Variants in DSCAM observed in about 807,000 individuals in gnomAD.
DSCAM encodes cell adhesion molecule DSCAM.
DSCAM carries 47 observed loss-of-function variants against 217.7 expected under a neutral mutation model. The ratio of observed to expected loss-of-function variants is 0.22; its 90% confidence interval spans 0.17 to 0.28. The LOEUF (loss-of-function observed/expected upper bound fraction) is 0.28. Ranked by LOEUF, DSCAM falls within the 10% of genes least tolerant of loss-of-function variation. The pLI, the probability that DSCAM is intolerant of heterozygous loss-of-function variation, is 1.00. For missense variants in DSCAM, 2,080 were observed against 2,618.3 expected (o/e 0.79, Z 4.49); for synonymous variants, 1,056 against 1,015.3 (o/e 1.04, Z -0.76).
intron 1 of DSCAM, among the ~76,000 whole-genome samples, chr21:40,737,533 C>T (rs903498184): frequency 1.3e-5 from 2 of 152,100 alleles, no homozygotes; most frequent in Non-Finnish European, 2.9e-5. Context: ...CCCAGCTACT[C>T]GGGAGGCTGA....
At chr21:40,367,036 G>A (rs918443073) in intron 4 of DSCAM, among the ~76,000 whole-genome samples, 3 of 152,116 alleles carry the variant, frequency 2.0e-5, no homozygotes, top group Non-Finnish European at 2.9e-5. Flanking sequence ...GTGAGTCTCT[G>A]TTCTTCTGAA....
At chr21:40,810,219 C>T (rs144846117) in intron 1 of DSCAM, among the ~76,000 whole-genome samples, 3 of 152,292 alleles carry the variant, frequency 2.0e-5, no homozygotes, top group East Asian at 3.9e-4. Context: ...TCCAAATCTG[C>T]GATTCACCCT....
chr21:40,461,274 T>C (rs1001001370), intron 3 of DSCAM, among the ~76,000 whole-genome samples: 3 of 152,310 alleles, frequency 2.0e-5, no homozygotes, highest in Non-Finnish European at 4.4e-5. Context: ...AATGAGGAAC[T>C]GTGTGACTAT....
chr21:40,373,521 T>C (rs2074920310), intron 3 of DSCAM, among the ~76,000 whole-genome samples: 1 of 152,212 alleles, frequency 6.6e-6, no homozygotes. Flanking sequence ...GGCATTGTCC[T>C]TGTCTCCCTG....
chr21:40,557,068 G>A (rs2076678300), intron 3 of DSCAM, among the ~76,000 whole-genome samples: 1 of 151,954 alleles, frequency 6.6e-6, no homozygotes, highest in Non-Finnish European at 1.5e-5. Context: ...CATGTAAGTG[G>A]ACCTGCACGG....
chr21:40,348,993 C>T (rs943252442), intron 5 of DSCAM, among the ~76,000 whole-genome samples: 5 of 151,268 alleles, frequency 3.3e-5, no homozygotes, highest in East Asian at 2.0e-4. Flanking sequence ...TACAATTAGC[C>T]GGGCGTGGTG....
At chr21:40,458,019 T>C (rs2075777466) in intron 3 of DSCAM, among the ~76,000 whole-genome samples, 1 of 152,154 alleles carries the variant, frequency 6.6e-6, no homozygotes, top group South Asian at 2.1e-4. Flanking sequence ...ACATCAAATT[T>C]AATAAAGTGA....
chr21:40,822,031 A>G (rs1262907174), intron 1 of DSCAM, among the ~76,000 whole-genome samples: 2 of 152,058 alleles, frequency 1.3e-5, no homozygotes, highest in Non-Finnish European at 2.9e-5. Context: ...TAAAAAAAAA[A>G]AAAAAGACCG....
intron 9 of DSCAM, among the ~76,000 whole-genome samples, chr21:40,304,802 G>C (rs1601533839): frequency 1.3e-5 from 2 of 152,284 alleles, no homozygotes; most frequent in Admixed American, 1.3e-4. Flanking sequence ...TTGGTTAGTA[G>C]AGTGGTCAGA....
At chr21:40,720,836 G>A (rs888125511) in intron 1 of DSCAM, among the ~76,000 whole-genome samples, 2 of 152,278 alleles carry the variant, frequency 1.3e-5, no homozygotes, top group East Asian at 1.9e-4. Flanking sequence ...GGGGACTAAG[G>A]CTGCTAGAAT....
chr21:40,044,826 C>T (rs114944995), intron 30 of DSCAM, among the ~76,000 whole-genome samples: 4,133 of 152,292 alleles, frequency 0.027, 91 homozygotes, highest in African/African-American at 0.057. Flanking sequence ...CAAGGAAGCT[C>T]AGCCCAGTGT....
intron 3 of DSCAM, among the ~76,000 whole-genome samples, chr21:40,583,724 GT>G (rs1258479680): frequency 2.0e-5 from 3 of 152,180 alleles, no homozygotes; most frequent in African/African-American, 7.2e-5. Flanking sequence ...TATACACTAT[GT>G]CCACTGGGTA....
chr21:40,076,858 G>C (rs190554261), intron 26 of DSCAM, among the ~76,000 whole-genome samples: 12 of 152,296 alleles, frequency 7.9e-5, no homozygotes, highest in Admixed American at 7.8e-4. Flanking sequence ...AAGTAAAAAA[G>C]ATACTTACTA....
intron 28 of DSCAM, among the ~76,000 whole-genome samples, chr21:40,057,560 C>G (rs1033090081): frequency 1.3e-5 from 2 of 152,270 alleles, no homozygotes; most frequent in East Asian, 1.9e-4. Context: ...AGCGGCTGCT[C>G]TATTAAATAG....
chr21:40,697,522 A>G (rs1289931965), intron 2 of DSCAM, among the ~76,000 whole-genome samples: 1 of 152,184 alleles, frequency 6.6e-6, no homozygotes, highest in African/African-American at 2.4e-5. Context: ...ACAGTTAAAG[A>G]CAGGGATCTA....
At chr21:40,766,672 A>C (rs954259991) in intron 1 of DSCAM, among the ~76,000 whole-genome samples, 8 of 118,050 alleles carry the variant, frequency 6.8e-5, no homozygotes, top group African/African-American at 2.9e-4. Context: ...ACAATTCCAA[A>C]AAAAAAAAAA....
At chr21:40,625,426 T>C (rs565637351) in intron 3 of DSCAM, among the ~76,000 whole-genome samples, 2 of 152,330 alleles carry the variant, frequency 1.3e-5, no homozygotes, top group African/African-American at 4.8e-5. Context: ...ATCCTGTGTC[T>C]AGGAGTCTCC....
chr21:40,094,938 C>T (rs1224246828), intron 20 of DSCAM, among the ~76,000 whole-genome samples: 2 of 152,146 alleles, frequency 1.3e-5, no homozygotes, highest in Admixed American at 6.5e-5. Flanking sequence ...ATATGTGTCA[C>T]CTGATGACTG....
chr21:40,774,604 A>G (rs978724888), intron 1 of DSCAM, among the ~76,000 whole-genome samples: 3 of 152,286 alleles, frequency 2.0e-5, no homozygotes, highest in Non-Finnish European at 2.9e-5. Context: ...TCTCATAAAA[A>G]TATGAAGATA....
Sources: gnomAD v4.1 joint callset for allele counts (sites outside exome capture counted in the v4.1 genomes callset) on GRCh38, gnomAD v4.1.1 for gene constraint, MANE v1.5 for transcripts, NCBI Gene and HGNC (gene_info 2026-07-23, HGNC 2026-07-21) for gene names.